The following PRKN variants were observed in gnomAD, a reference collection of about 807,000 sequenced individuals.
PRKN encodes the protein parkin RBR E3 ubiquitin protein ligase, also known as E3 ubiquitin-protein ligase parkin.
In PRKN, 56 loss-of-function variants were observed where a neutral mutation model predicts 59.5. That is an observed-to-expected ratio of 0.94 (90% confidence interval 0.76 to 1.18). PRKN has a LOEUF of 1.18. PRKN is among the 50% of genes most tolerant of loss of function. PRKN has a pLI of 0.00. For synonymous variants in PRKN, 250 were observed against 222.1 expected (o/e 1.13, Z -1.12); for missense variants, 657 against 596.4 (o/e 1.10, Z -1.06).
At chr6:162,359,795 C>A (rs1785057876) in intron 2 of PRKN, among the ~76,000 whole-genome samples, 1 of 152,032 alleles carries the variant, frequency 6.6e-6, no homozygotes, top group South Asian at 2.1e-4. Context: ...TGGAAAATTC[C>A]TACAGTAAAG....
chr6:161,619,518 T>C (rs1441617723), intron 7 of PRKN, among the ~76,000 whole-genome samples: 1 of 152,208 alleles, frequency 6.6e-6, no homozygotes, highest in Non-Finnish European at 1.5e-5. Context: ...GGTTCTTACT[T>C]GGTATCAGTT....
intron 6 of PRKN, among the ~76,000 whole-genome samples, chr6:161,803,852 C>G (rs534620607): frequency 6.6e-6 from 1 of 152,298 alleles, no homozygotes; most frequent in East Asian, 1.9e-4. Flanking sequence ...ATAAAGGAAG[C>G]AAAGACCTCA....
At chr6:162,021,102 C>CA (rs375989505) in intron 5 of PRKN, among the ~76,000 whole-genome samples, 5,666 of 81,958 alleles carry the variant, frequency 0.069, 1,132 homozygotes, top group African/African-American at 0.25. Flanking sequence ...GACTCTGTCT[C>CA]AAAAAAAAAA....
At chr6:162,238,729 A>G (rs930979691) in intron 3 of PRKN, among the ~76,000 whole-genome samples, 6 of 152,152 alleles carry the variant, frequency 3.9e-5, no homozygotes, top group African/African-American at 1.4e-4. Flanking sequence ...TTTCTGGTTT[A>G]GAGAAACAGA....
chr6:161,682,185 C>T (rs1010645739), intron 7 of PRKN, among the ~76,000 whole-genome samples: 2 of 152,174 alleles, frequency 1.3e-5, no homozygotes, highest in African/African-American at 4.8e-5. Flanking sequence ...CGAGGCAGCT[C>T]CACTGGGCAT....
intron 1 of PRKN, among the ~76,000 whole-genome samples, chr6:162,463,891 G>A (rs1263852724): frequency 6.6e-6 from 1 of 152,146 alleles, no homozygotes; most frequent in Non-Finnish European, 1.5e-5. Context: ...CCTTGACTTA[G>A]GCATTACATT....
rs1371687482 is a variant in PRKN, at chr6:161,354,036, G to A, written c.1286-3825C>T. Among the ~76,000 whole-genome samples the A allele has an allele frequency of 6.6e-6, 1 of 152,194 alleles. No homozygotes were observed. Among genetic ancestry groups the A allele is most frequent in the Non-Finnish European group, 1.5e-5 (1 of 68,038 alleles). ...ACCGAATGCCAAAAATTAATACCAA[G>A]CATTTAATGAATCTGGGATACTAGC... is the stretch of plus-strand genomic sequence containing the variant. On this transcript the variant is annotated intron_variant, in intron 11 of 11. Coordinates refer to ENST00000366898, the MANE Select transcript of PRKN (RefSeq NM_004562.3). This position sits in a 1 kb window ranked among gnomAD's most constrained non-coding sequence, Gnocchi z 6.7.
intron 4 of PRKN, among the ~76,000 whole-genome samples, chr6:162,176,557 C>T (rs549363124): frequency 1.8e-4 from 28 of 151,988 alleles, no homozygotes; most frequent in African/African-American, 6.7e-4. Context: ...CATCACACCA[C>T]ATATGAAAGG....
At chr6:162,242,631 A>G (rs2128092221) in intron 3 of PRKN, among the ~76,000 whole-genome samples, 1 of 152,294 alleles carries the variant, frequency 6.6e-6, no homozygotes, top group African/African-American at 2.4e-5. Context: ...CTGCTAAATT[A>G]AAGGAAACTA....
Position 161,407,967 on chromosome 6 carries a change from A to T in PRKN, c.1084-21090T>A, listed in dbSNP as rs889106025. On this transcript the variant is annotated intron_variant, in intron 9 of 11. Transcript: ENST00000366898. This position sits in a 1 kb window ranked among gnomAD's most constrained non-coding sequence, Gnocchi z 4.9. ...AGTCCTATAAAGCTGCCCCTCTCCT[A>T]TCTCCCTTCGCTGACTCTCTTTTTG... Among the ~76,000 whole-genome samples, 6 of 151,926 alleles carry T rather than the reference A, an allele frequency of 3.9e-5. No homozygotes were observed. Among genetic ancestry groups the T allele is most frequent in the Non-Finnish European group, 8.8e-5 (6 of 67,984 alleles).
chr6:161,491,480 T>C (rs1777554637), intron 9 of PRKN, among the ~76,000 whole-genome samples: 1 of 152,120 alleles, frequency 6.6e-6, no homozygotes, highest in Non-Finnish European at 1.5e-5. Flanking sequence ...GAGAAACAAC[T>C]TACAAAGCTT....
intron 3 of PRKN, among the ~76,000 whole-genome samples, chr6:162,238,156 T>G (rs1287649205): frequency 6.6e-6 from 1 of 152,258 alleles, no homozygotes. Context: ...GTGCCCCATC[T>G]GCATCAATCA....
At chr6:161,992,872 A>G (rs1269666508) in intron 5 of PRKN, among the ~76,000 whole-genome samples, 1 of 152,204 alleles carries the variant, frequency 6.6e-6, no homozygotes, top group East Asian at 1.9e-4. Flanking sequence ...GTCAAGGAAG[A>G]AACTAAGAAG....
intron 1 of PRKN, among the ~76,000 whole-genome samples, chr6:162,680,539 T>C (rs556466287): frequency 6.6e-6 from 1 of 152,250 alleles, no homozygotes; most frequent in South Asian, 2.1e-4. Flanking sequence ...GAGCAATAAG[T>C]AGCTTATCTT....
At position 161,348,380 on chromosome 6, in the gene PRKN, T is replaced by C; in HGVS notation, c.*1719A>G. ...CACCATTTCTATGTGAGCTTTGGGC[T>C]TCCTGTCACAGGTCTGTTGTCACCG... is the stretch of plus-strand genomic sequence containing the variant. On this transcript the variant is annotated 3_prime_UTR_variant, in exon 12 of 12. Transcript: ENST00000366898. This position sits in a 1 kb window ranked among gnomAD's most constrained non-coding sequence, Gnocchi z 4.9. The C allele has an allele frequency of 4.5e-6, 1 of 220,254 alleles. No individual in the cohort carries two copies. Among genetic ancestry groups the C allele is most frequent in the Non-Finnish European group, 9.1e-6 (1 of 109,960 alleles). The allele number at this position is 220,254 out of a possible 1,614,324, so 13.6% of individuals were successfully genotyped here. A position where few individuals can be genotyped will look rare whatever the true frequency, so the allele number is the denominator to read the frequency against.
chr6:161,642,845 T>G (rs889109865), intron 7 of PRKN, among the ~76,000 whole-genome samples: 3 of 152,224 alleles, frequency 2.0e-5, no homozygotes, highest in Admixed American at 1.3e-4. Flanking sequence ...GTTTTATTAT[T>G]TTTAAAAACA....
At chr6:161,591,886 C>A (rs966862047) in intron 7 of PRKN, among the ~76,000 whole-genome samples, 3 of 152,012 alleles carry the variant, frequency 2.0e-5, no homozygotes, top group Non-Finnish European at 4.4e-5. Flanking sequence ...ATTGAATATG[C>A]ATTTTTTTTT....
Position 161,360,413 on chromosome 6 carries a change from G to A in PRKN, c.1168-208C>T, listed in dbSNP as rs1044459290. ...TGGCATGTGGCGTATGCGTAGGAGC[G>A]GGGAAGAGATTGTTTGGTTTTGTAG... On this transcript the variant is annotated intron_variant, in intron 10 of 11. Coordinates refer to ENST00000366898, the MANE Select transcript of PRKN (RefSeq NM_004562.3). This position sits in a 1 kb window ranked among gnomAD's most constrained non-coding sequence, Gnocchi z 5.1. 2.0e-5 allele frequency among the ~76,000 whole-genome samples: 3 copies of A among 152,180 alleles called. No homozygotes were observed. Among genetic ancestry groups the A allele is most frequent in the African/African-American group, 7.2e-5 (3 of 41,442 alleles).
rs1433828562 is a variant in PRKN, at chr6:161,466,898, G to A, written c.1084-80021C>T. Among the ~76,000 whole-genome samples, 2 of 152,136 alleles carry A rather than the reference G, an allele frequency of 1.3e-5. No individual in the cohort carries two copies. Among genetic ancestry groups the A allele is most frequent in the African/African-American group, 4.8e-5 (2 of 41,438 alleles). Reference sequence around the variant, plus strand: ...CAGTCACACGAAGTTAGTTAATGAGGGATTTTTATTCTTTTGTTTCTGGTG... The same window carrying A: ...CAGTCACACGAAGTTAGTTAATGAGAGATTTTTATTCTTTTGTTTCTGGTG... On this transcript the variant is annotated intron_variant, in intron 9 of 11. Transcript: ENST00000366898. The surrounding 1 kb of genome is among the most constrained non-coding windows in gnomAD (Gnocchi z 5.0).
Sources: gnomAD v4.1 joint callset for allele counts (sites outside exome capture counted in the v4.1 genomes callset) on GRCh38, gnomAD v4.1.1 for gene constraint, Gnocchi (gnomAD v3.1) non-coding constraint, MANE v1.5 for transcripts, NCBI Gene and HGNC (gene_info 2026-07-23, HGNC 2026-07-21) for gene names.